The following TXNDC16 variants were observed in gnomAD, a reference collection of about 807,000 sequenced individuals.
TXNDC16 encodes thioredoxin domain containing 16.
In TXNDC16, 74 loss-of-function variants were observed where a neutral mutation model predicts 85.6. That is an observed-to-expected ratio of 0.86 (90% CI 0.72 to 1.05). The LOEUF (loss-of-function observed/expected upper bound fraction) is 1.05, where lower values mean the gene tolerates loss of function less well. Among genes scored for constraint, TXNDC16 ranks in the 50% least tolerant of loss-of-function variants. The pLI is 0.00. For missense variants in TXNDC16, 959 were observed against 947.0 expected, an observed-to-expected ratio of 1.01 and a Z score of -0.17; for synonymous variants, 335 against 326.5, an observed-to-expected ratio of 1.03 and a Z score of -0.28.
intron 1 of TXNDC16, among the ~76,000 whole-genome samples, chr14:52,548,475 A>C (rs1021687942): frequency 5.3e-5 from 8 of 152,208 alleles, no homozygotes; most frequent in Admixed American, 4.6e-4. Context: ...TCTGGGAGGC[A>C]GACGCAGTTT....
chr14:52,489,924 C>T (rs1469257435), intron 11 of TXNDC16, among the ~76,000 whole-genome samples: 2 of 152,150 alleles, frequency 1.3e-5, no homozygotes, highest in Non-Finnish European at 1.5e-5. Context: ...GCAGCTCAAA[C>T]CTCTGGGGCT....
chr14:52,463,194 T>C (rs1301983545), intron 16 of TXNDC16, among the ~76,000 whole-genome samples: 1 of 141,926 alleles, frequency 7.0e-6, no homozygotes, highest in Non-Finnish European at 1.6e-5. Flanking sequence ...CCAGTTCAGA[T>C]AAAAAAAAAA....
chr14:52,439,529 C>A (rs2035117586), intron 19 of TXNDC16, 135 bp from the exon 20 acceptor site: 5 of 767,090 alleles, frequency 6.5e-6, no homozygotes, highest in Non-Finnish European at 1.0e-5. Flanking sequence ...GTCCTAAAAA[C>A]CAAGAAGTCT....
At chr14:52,434,080 T>C (rs2034969186) in intron 20 of TXNDC16, among the ~76,000 whole-genome samples, 1 of 152,092 alleles carries the variant, frequency 6.6e-6, no homozygotes, top group Admixed American at 6.5e-5. Context: ...TTCCAGCTAC[T>C]CGGGAGGTTG....
At position 52,536,517 on chromosome 14, in the gene TXNDC16, A is replaced by T. The variant is rs1335941232; in HGVS notation, c.392+202T>A. On this transcript the variant is annotated intron_variant, in intron 6 of 20. Transcript: ENST00000281741. ...AGTCATCTCCTACTCTTATAAAAGTATCTCCATGCTTCTGTATCCTTTGCC... is the reference window on the plus strand; with the variant it reads ...AGTCATCTCCTACTCTTATAAAAGTTTCTCCATGCTTCTGTATCCTTTGCC... Among the ~76,000 whole-genome samples the T allele has an allele frequency of 7.9e-5, 12 of 152,338 alleles. No individual in the cohort carries two copies. In the East Asian group the frequency reaches 2.3e-3, roughly 29 times the overall value.
At chr14:52,536,818 A>G in intron 5 of TXNDC16, 25 bp from the exon 6 acceptor site, 2 of 1,527,094 alleles carry the variant, frequency 1.3e-6, no homozygotes, top group South Asian at 1.2e-5. Flanking sequence ...AAAACATATT[A>G]ATATTGAAAA....
At chr14:52,543,812 T>C (rs1229530783) in intron 2 of TXNDC16, among the ~76,000 whole-genome samples, 182 bp from the exon 3 acceptor site, 3 of 152,052 alleles carry the variant, frequency 2.0e-5, no homozygotes, top group African/African-American at 7.3e-5. Context: ...ATACTATTGA[T>C]TTTTCATACT....
intron 6 of TXNDC16, among the ~76,000 whole-genome samples, chr14:52,522,670 C>A (rs1046443243): frequency 3.9e-5 from 6 of 152,184 alleles, no homozygotes; most frequent in African/African-American, 1.4e-4. Context: ...CCTCCTCAGA[C>A]CCACTCTGTG....
intron 9 of TXNDC16, among the ~76,000 whole-genome samples, chr14:52,492,193 C>T (rs1331063076): frequency 6.6e-6 from 1 of 152,130 alleles, no homozygotes. Flanking sequence ...ATTAAGTAAC[C>T]AAATGTTGAG....
intron 11 of TXNDC16, 72 bp from the exon 12 acceptor site, chr14:52,488,558 A>G: frequency 7.7e-7 from 1 of 1,303,774 alleles, no homozygotes; most frequent in Admixed American, 2.2e-5. Context: ...TACTTGGGCC[A>G]GGTGTGGTGG....
chr14:52,439,174 T>C, intron 20 of TXNDC16, 30 bp downstream of exon 20: 1 of 1,593,666 alleles, frequency 6.3e-7, no homozygotes, highest in Non-Finnish European at 8.6e-7. Flanking sequence ...AATGCAGAAC[T>C]ACATGTATTA....
chr14:52,523,148 A>G (rs1173061990), intron 6 of TXNDC16, among the ~76,000 whole-genome samples: 1 of 152,206 alleles, frequency 6.6e-6, no homozygotes, highest in Non-Finnish European at 1.5e-5. Context: ...AAATACTGAC[A>G]AAAATGGGTT....
At chr14:52,502,186 A>G (rs922208706) in intron 9 of TXNDC16, among the ~76,000 whole-genome samples, 1 of 152,168 alleles carries the variant, frequency 6.6e-6, no homozygotes. Context: ...ATTCCTACCT[A>G]TTTCAGTGTC....
intron 8 of TXNDC16, among the ~76,000 whole-genome samples, chr14:52,511,929 T>C (rs2036965918): frequency 1.3e-5 from 2 of 152,264 alleles, no homozygotes; most frequent in South Asian, 4.1e-4. Flanking sequence ...GGCTTATAAT[T>C]TGAGCTTTCG....
At chr14:52,495,684 T>C (rs1224865567) in intron 9 of TXNDC16, among the ~76,000 whole-genome samples, 1 of 152,150 alleles carries the variant, frequency 6.6e-6, no homozygotes, top group Non-Finnish European at 1.5e-5. Flanking sequence ...AAACAACTCA[T>C]ATCACTTCCA....
At position 52,470,691 on chromosome 14, in the gene TXNDC16, G is replaced by C. The variant is rs781247479; in HGVS notation, c.1313-11C>G. 8 of 1,586,204 alleles carry C rather than the reference G, an allele frequency of 5.0e-6. No individual in the cohort carries two copies. The highest frequency in any genetic ancestry group is 6.0e-6 in the Non-Finnish European group (7 of 1,168,118). The stretch of plus-strand genomic sequence containing the variant: ...GCATAGTAGATGTGCCTAAATAAAA[G>C]GAAAATGCACATTTGTAATTACTAA... On this transcript the variant is annotated splice_polypyrimidine_tract_variant and intron_variant, in intron 14 of 20. Coordinates refer to ENST00000281741, the MANE Select transcript of TXNDC16 (RefSeq NM_020784.3).
intron 1 of TXNDC16, among the ~76,000 whole-genome samples, chr14:52,547,492 C>T (rs747549277): frequency 6.6e-6 from 1 of 152,092 alleles, no homozygotes; most frequent in African/African-American, 2.4e-5. Context: ...CTTTATTTCA[C>T]TTTTCCTGTA....
chr14:52,504,374 A>G (rs1020310750), intron 9 of TXNDC16, among the ~76,000 whole-genome samples: 3 of 152,364 alleles, frequency 2.0e-5, no homozygotes, highest in African/African-American at 4.8e-5. Context: ...CTGATCTCTC[A>G]GCAGAAACTC....
intron 18 of TXNDC16, among the ~76,000 whole-genome samples, chr14:52,453,740 T>C (rs2035464673): frequency 6.6e-6 from 1 of 152,176 alleles, no homozygotes; most frequent in Admixed American, 6.5e-5. Flanking sequence ...GAAACTAGAC[T>C]GCTATCTTTC....
Sources: allele counts gnomAD v4.1 joint callset (sites outside exome capture counted in the v4.1 genomes callset), GRCh38; gene constraint gnomAD v4.1.1; transcripts MANE v1.5; gene names NCBI Gene and HGNC (gene_info 2026-07-23, HGNC 2026-07-21).